SLC37A1: variants seen among roughly 807,000 people sequenced by gnomAD.
SLC37A1 encodes glucose-6-phosphate exchanger SLC37A1.
A neutral mutation model predicts 75.3 loss-of-function variants in SLC37A1; 49 were observed. That is an observed-to-expected ratio of 0.65 (90% CI 0.52 to 0.83). The LOEUF is 0.83. Among genes scored for constraint, SLC37A1 ranks in the 40% least tolerant of loss-of-function variants. The probability of loss-of-function intolerance (pLI) is 0.00; values close to 1 mark genes in which losing one functional copy is unlikely to be tolerated. For missense variants in SLC37A1, 566 were observed against 695.0 expected (o/e 0.81, Z 2.09); for synonymous variants, 268 against 292.1 (o/e 0.92, Z 0.84).
chr21:42,576,091 C>CTCAGGAA, intron 18 of SLC37A1: 1 of 422,618 alleles, frequency 2.4e-6, no homozygotes, highest in Non-Finnish European at 3.2e-6. Flanking sequence ...AATACACAAG[C>CTCAGGAA]TCAGGAATCA....
chr21:42,502,753 G>C (rs542596222), intron 2 of SLC37A1: 1 of 152,168 alleles, frequency 6.6e-6, no homozygotes. Context: ...CTCTCTGGTT[G>C]TGCTTCTGAC....
At chr21:42,573,124 G>A (rs1456703338) in intron 17 of SLC37A1, among the ~76,000 whole-genome samples, 4 of 152,178 alleles carry the variant, frequency 2.6e-5, no homozygotes, top group African/African-American at 9.7e-5. Flanking sequence ...TCCCTGTCCT[G>A]CACTGGGCTT....
chr21:42,546,867 T>C (rs2055420176), intron 8 of SLC37A1, among the ~76,000 whole-genome samples: 1 of 152,230 alleles, frequency 6.6e-6, no homozygotes, highest in African/African-American at 2.4e-5. Flanking sequence ...TACATAGAGA[T>C]AGTAAAAAGG....
intron 2 of SLC37A1, among the ~76,000 whole-genome samples, chr21:42,521,097 G>C (rs1411134244): frequency 6.6e-6 from 1 of 152,222 alleles, no homozygotes; most frequent in African/African-American, 2.4e-5. Context: ...GAACGCCATG[G>C]ATGCACCCCG....
In SLC37A1 at chr21:42,568,713, G is replaced by A. The variant is rs2147020198; in HGVS notation, c.1423+275G>A. Reference sequence around the variant, plus strand: ...AAACTACAGCCCGTGGGCTAACTCAGGTCCACTCATTATTTATCGCCTTCA... The same window carrying A: ...AAACTACAGCCCGTGGGCTAACTCAAGTCCACTCATTATTTATCGCCTTCA... On this transcript the variant is annotated intron_variant, in intron 17 of 19. Transcript: ENST00000352133. Among the ~76,000 whole-genome samples, 4 of 152,276 alleles carry A rather than the reference G, an allele frequency of 2.6e-5. 1 individual carries two copies. Among genetic ancestry groups the A allele is most frequent in the Middle Eastern group, 6.8e-3 (2 of 294 alleles).
At chr21:42,522,037 G>A (rs994856731) in intron 2 of SLC37A1, among the ~76,000 whole-genome samples, 3 of 152,204 alleles carry the variant, frequency 2.0e-5, no homozygotes, top group African/African-American at 4.8e-5. Flanking sequence ...TTCTTGGCTG[G>A]TGGCTGCATC....
At chr21:42,562,451 G>A (rs536724865) in intron 12 of SLC37A1, among the ~76,000 whole-genome samples, 14 of 152,296 alleles carry the variant, frequency 9.2e-5, no homozygotes, top group African/African-American at 2.9e-4. Flanking sequence ...GGCAGCCTGC[G>A]TTTAAACGTG....
chr21:42,561,235 C>T (rs530726457), intron 11 of SLC37A1, among the ~76,000 whole-genome samples: 2 of 152,330 alleles, frequency 1.3e-5, no homozygotes, highest in Admixed American at 1.3e-4. Context: ...GATTCAGTGC[C>T]ACAATGTTAC....
Position 42,568,389 on chromosome 21 carries a change from G to C in SLC37A1, c.1374G>C (p.Ala458=). Residue 458 remains alanine, a synonymous_variant, in exon 17 of 20, where the codon GCG becomes GCC. Transcript: ENST00000352133. ...CTCATAAAAGTCTGAAAGGCAACGC[G>C]CACGCCCTCTCCACCGTGACGGCCA... The part of the protein sequence containing the change: ...LGTHKSLKGN[A]HALSTVTAII... 6.2e-7 allele frequency: 1 copy of C among 1,614,104 alleles called. No homozygotes were observed. The highest frequency in any genetic ancestry group is 8.5e-7 in the Non-Finnish European group (1 of 1,180,014).
chr21:42,525,902 C>G (rs141931156), intron 3 of SLC37A1, 45 bp downstream of exon 3: 1 of 1,475,850 alleles, frequency 6.8e-7, no homozygotes, highest in East Asian at 2.3e-5. Context: ...GTGAGGAGTT[C>G]GTCACTTGAA....
chr21:42,535,533 C>T lies in SLC37A1; in HGVS notation c.333C>T (p.Ala111=), dbSNP rs776771175. The change falls in exon 5 of 20, where the codon GCC becomes GCT. Residue 111 remains alanine, a synonymous_variant. Transcript: ENST00000352133. The stretch of plus-strand genomic sequence containing the variant: ...ACTACTCCTTCCTGTGCGCCTATGC[C>T]GTGGGGATGTACCTCAGGTAGGTCT... ...ALDYSFLCAY[A]VGMYLSGIIG... is the part of the protein sequence containing the mutation. The T allele has an allele frequency of 1.1e-5, 17 of 1,614,138 alleles. No individual in the cohort carries two copies. The highest frequency in any genetic ancestry group is 5.0e-5 in the Admixed American group (3 of 60,018).
intron 2 of SLC37A1, among the ~76,000 whole-genome samples, chr21:42,508,122 CTTTT>C (rs398036474): frequency 1.2e-5 from 1 of 80,930 alleles, no homozygotes. Flanking sequence ...AGAGTACGCT[CTTTT>C]TTTTTTTTTT....
At chr21:42,530,107 T>C (rs1453763819) in intron 3 of SLC37A1, among the ~76,000 whole-genome samples, 1 of 152,206 alleles carries the variant, frequency 6.6e-6, no homozygotes, top group Non-Finnish European at 1.5e-5. Flanking sequence ...GAATAAATTA[T>C]CACAAGTCCG....
intron 14 of SLC37A1, 137 bp from the exon 15 acceptor site, chr21:42,565,690 C>T: frequency 1.4e-6 from 1 of 727,258 alleles, no homozygotes; most frequent in Admixed American, 2.4e-5. Flanking sequence ...GCGTGGCCGT[C>T]ACGCTTTTTT....
At chr21:42,506,405 G>C (rs1312532239) in intron 2 of SLC37A1, among the ~76,000 whole-genome samples, 1 of 152,304 alleles carries the variant, frequency 6.6e-6, no homozygotes, top group East Asian at 1.9e-4. Flanking sequence ...ATGAATCCTA[G>C]ACTTTTTACA....
In SLC37A1 at chr21:42,568,471, G is replaced by C. The variant is rs752970283; in HGVS notation, c.1423+33G>C. ...GAGAGTTTTAGCTCTGGGAGGTTTG[G>C]TGTCTTAGGGGAAATCACATTGTCA... On this transcript the variant is annotated intron_variant, in intron 17 of 19. Transcript: ENST00000352133. 46 of 1,595,080 alleles carry C rather than the reference G, an allele frequency of 2.9e-5. 1 individual carries two copies. The East Asian group carries it at 6.9e-4, about 24-fold the overall frequency.
chr21:42,579,679 G>A (rs1016792919), intron 18 of SLC37A1, 57 bp from the exon 19 acceptor site: 55 of 1,602,662 alleles, frequency 3.4e-5, no homozygotes, highest in South Asian at 1.0e-4. Context: ...TGCCCACGGC[G>A]CGGGCCGCCC....
rs750206959 is a variant in SLC37A1 at position 42,518,420 on chromosome 21, C to T, written c.-35C>T. On this transcript the variant is annotated 5_prime_UTR_variant, in exon 2 of 20. Coordinates refer to ENST00000352133, the MANE Select transcript of SLC37A1 (RefSeq NM_001320537.2). ...TGACTCATTTATGAAGCATCTTATT[C>T]TGCGACCGAGGCTCAGTGGTCAGTG... 6.2e-7 allele frequency: 1 copy of T among 1,613,816 alleles called. No homozygotes were observed. The highest frequency in any genetic ancestry group is 1.1e-5 in the South Asian group (1 of 91,070).
chr21:42,504,189 T>C (rs1253450345), intron 2 of SLC37A1, among the ~76,000 whole-genome samples: 1 of 152,222 alleles, frequency 6.6e-6, no homozygotes, highest in Non-Finnish European at 1.5e-5. Context: ...GTTCTTTATA[T>C]TAATACATTT....
Sources: allele counts gnomAD v4.1 joint callset (sites outside exome capture counted in the v4.1 genomes callset), GRCh38; gene constraint gnomAD v4.1.1; transcripts MANE v1.5; gene names NCBI Gene and HGNC (gene_info 2026-07-23, HGNC 2026-07-21).